DPP10: variants seen among roughly 807,000 people sequenced by gnomAD.
DPP10 encodes the protein inactive dipeptidyl peptidase 10.
In DPP10, 33 loss-of-function variants were observed where a neutral mutation model predicts 120.9. The ratio of observed to expected loss-of-function variants is 0.27; its 90% CI spans 0.21 to 0.37. DPP10 has a LOEUF of 0.37. DPP10 is among the 10% of genes least tolerant of loss of function. The pLI, the probability that DPP10 is intolerant of heterozygous loss-of-function variation, is 1.00. For synonymous variants in DPP10, 337 were observed against 326.1 expected (o/e 1.03, Z -0.36); for missense variants, 816 against 942.8 (o/e 0.87, Z 1.76).
intron 1 of DPP10, among the ~76,000 whole-genome samples, chr2:114,978,581 A>C (rs755668615): frequency 8.3e-4 from 126 of 152,272 alleles, no homozygotes; most frequent in Admixed American, 2.0e-3. Context: ...CTTTCCTCAC[A>C]GAAAATAACC....
chr2:115,823,469 G>T (rs1025104257), intron 21 of DPP10, among the ~76,000 whole-genome samples: 1 of 152,052 alleles, frequency 6.6e-6, no homozygotes, highest in African/African-American at 2.4e-5. Context: ...GTCTCCTTTA[G>T]ACCCATTGTG....
At chr2:115,499,694 G>A (rs1575027727) in intron 4 of DPP10, 90 bp downstream of exon 4, 3 of 864,144 alleles carry the variant, frequency 3.5e-6, no homozygotes, top group East Asian at 3.0e-5. Flanking sequence ...TTCAGCTCCA[G>A]CATTTGTAAA....
At chr2:114,615,004 T>C (rs1222911575) in intron 1 of DPP10, among the ~76,000 whole-genome samples, 1 of 152,166 alleles carries the variant, frequency 6.6e-6, no homozygotes, top group Non-Finnish European at 1.5e-5. Context: ...AACTAACATA[T>C]ATGCACATCT....
At chr2:115,830,316 C>T (rs1688789842) in intron 21 of DPP10, among the ~76,000 whole-genome samples, 2 of 150,216 alleles carry the variant, frequency 1.3e-5, no homozygotes. Context: ...CCAATTCCCA[C>T]CACTGCACTC....
chr2:115,823,435 T>A (rs1434737872), intron 21 of DPP10, among the ~76,000 whole-genome samples: 1 of 152,166 alleles, frequency 6.6e-6, no homozygotes, highest in African/African-American at 2.4e-5. Flanking sequence ...TAGACAATGC[T>A]TTTGGGATCT....
At chr2:115,172,764 T>C (rs2053441716) in intron 1 of DPP10, among the ~76,000 whole-genome samples, 1 of 152,206 alleles carries the variant, frequency 6.6e-6, no homozygotes. Context: ...TTAATATGTG[T>C]TGGGTTGTTA....
At chr2:115,506,009 ACACT>A (rs2076921678) in intron 4 of DPP10, among the ~76,000 whole-genome samples, 1 of 151,952 alleles carries the variant, frequency 6.6e-6, no homozygotes, top group African/African-American at 2.4e-5. Flanking sequence ...AAATAATAAA[ACACT>A]CAGTGTTTTA....
intron 5 of DPP10, among the ~76,000 whole-genome samples, chr2:115,565,606 T>G (rs2080952849): frequency 6.6e-6 from 1 of 152,136 alleles, no homozygotes; most frequent in Non-Finnish European, 1.5e-5. Context: ...GGCATGTCTG[T>G]TTTGTCTTTG....
At chr2:115,508,573 G>A (rs1338733413) in intron 4 of DPP10, among the ~76,000 whole-genome samples, 1 of 152,140 alleles carries the variant, frequency 6.6e-6, no homozygotes, top group East Asian at 1.9e-4. Context: ...TGCATTGGCT[G>A]TATCTGTTTT....
intron 1 of DPP10, among the ~76,000 whole-genome samples, chr2:115,235,670 T>C (rs2057963077): frequency 6.6e-6 from 1 of 152,136 alleles, no homozygotes; most frequent in African/African-American, 2.4e-5. Flanking sequence ...CAAGCGATTG[T>C]CCTGCCTCTG....
chr2:114,937,717 T>A (rs920510988), intron 1 of DPP10, among the ~76,000 whole-genome samples: 2 of 152,148 alleles, frequency 1.3e-5, no homozygotes, highest in African/African-American at 2.4e-5. Flanking sequence ...GTTCACCTTT[T>A]ATGGCCACAC....
intron 3 of DPP10, among the ~76,000 whole-genome samples, chr2:115,381,732 G>C (rs554529743): frequency 6.6e-6 from 1 of 152,206 alleles, no homozygotes; most frequent in African/African-American, 2.4e-5. Flanking sequence ...TGGGTTTTTG[G>C]TGTGGATGTC....
chr2:114,556,446 T>C (rs1410385296), intron 1 of DPP10, among the ~76,000 whole-genome samples: 2 of 151,546 alleles, frequency 1.3e-5, no homozygotes, highest in African/African-American at 2.4e-5. Flanking sequence ...TTGGGGCCAT[T>C]TATAGAGAGA....
intron 3 of DPP10, among the ~76,000 whole-genome samples, chr2:115,410,468 G>A (rs2068862494): frequency 6.6e-6 from 1 of 152,080 alleles, no homozygotes; most frequent in Non-Finnish European, 1.5e-5. Flanking sequence ...ACACACACTG[G>A]GGCCTGTTTA....
At chr2:115,032,131 C>A (rs1301706034) in intron 1 of DPP10, among the ~76,000 whole-genome samples, 1 of 150,522 alleles carries the variant, frequency 6.6e-6, no homozygotes, top group African/African-American at 2.4e-5. Context: ...TATTTGCTAA[C>A]AATAGAAGAA....
At chr2:115,153,680 C>T (rs889361638) in intron 1 of DPP10, among the ~76,000 whole-genome samples, 1 of 151,960 alleles carries the variant, frequency 6.6e-6, no homozygotes, top group Non-Finnish European at 1.5e-5. Context: ...AAAAAGTATG[C>T]CAAGCCTGAT....
At chr2:115,397,471 G>A (rs889340062) in intron 3 of DPP10, among the ~76,000 whole-genome samples, 1 of 152,140 alleles carries the variant, frequency 6.6e-6, no homozygotes, top group Non-Finnish European at 1.5e-5. Context: ...TATTATAAGG[G>A]ACTAGAGTTA....
intron 1 of DPP10, among the ~76,000 whole-genome samples, chr2:114,844,993 C>T (rs1688430561): frequency 6.6e-6 from 1 of 152,084 alleles, no homozygotes; most frequent in African/African-American, 2.4e-5. Flanking sequence ...TTACAAGAAG[C>T]ACAAAGAGAT....
chr2:115,658,631 G>T (rs1269100333), intron 5 of DPP10, among the ~76,000 whole-genome samples: 1 of 151,944 alleles, frequency 6.6e-6, no homozygotes, highest in Non-Finnish European at 1.5e-5. Flanking sequence ...TTCAACTTGG[G>T]TACAAAAATC....
Sources: allele counts gnomAD v4.1 joint callset (sites outside exome capture counted in the v4.1 genomes callset), GRCh38; gene constraint gnomAD v4.1.1; transcripts MANE v1.5; gene names NCBI Gene and HGNC (gene_info 2026-07-23, HGNC 2026-07-21).